VKORC1L1: variants seen among roughly 807,000 people sequenced by gnomAD.
VKORC1L1 encodes the protein vitamin K epoxide reductase complex subunit 1-like protein 1.
VKORC1L1 carries 2 observed loss-of-function variants against 18.9 expected under a neutral mutation model. That is an observed-to-expected ratio of 0.11 (90% CI 0.04 to 0.33). VKORC1L1 has a LOEUF of 0.33. VKORC1L1 is among the 10% of genes least tolerant of loss of function. VKORC1L1 has a pLI of 1.00. For missense variants in VKORC1L1, 123 were observed against 224.1 expected, an observed-to-expected ratio of 0.55 and a Z score of 2.88; for synonymous variants, 96 against 100.0, an observed-to-expected ratio of 0.96 and a Z score of 0.24.
intron 1 of VKORC1L1, among the ~76,000 whole-genome samples, chr7:65,889,941 A>T (rs1196522947): frequency 1.3e-5 from 2 of 150,248 alleles, no homozygotes; most frequent in African/African-American, 4.9e-5. Flanking sequence ...CAATTGATAT[A>T]TTCATTCTCT....
intron 1 of VKORC1L1, among the ~76,000 whole-genome samples, chr7:65,933,432 A>G (rs1789891008): frequency 6.6e-6 from 1 of 152,128 alleles, no homozygotes; most frequent in African/African-American, 2.4e-5. Context: ...TTCTGGTATT[A>G]ATACAAGCAC....
intron 1 of VKORC1L1, among the ~76,000 whole-genome samples, chr7:65,875,818 T>C (rs998800375): frequency 3.3e-5 from 5 of 152,312 alleles, no homozygotes; most frequent in African/African-American, 1.2e-4. Context: ...TGTGACTCTT[T>C]TAGGAAAAGA....
At chr7:65,870,057 CT>C (rs1396205177), upstream of VKORC1L1, among the ~76,000 whole-genome samples, 1 of 151,188 alleles carries the variant, frequency 6.6e-6, no homozygotes, top group African/African-American at 2.4e-5. Flanking sequence ...AAGATATTTG[CT>C]GTGGGCCTAT....
intron 1 of VKORC1L1, among the ~76,000 whole-genome samples, chr7:65,929,682 G>GTATATATATATATATATATATATATA (rs34648135): frequency 2.6e-4 from 33 of 128,594 alleles, no homozygotes; most frequent in South Asian, 8.0e-4. Context: ...GTGTGTGTGT[G>GTATATATATATATATATATATATATA]TATATATATA....
intron 1 of VKORC1L1, among the ~76,000 whole-genome samples, chr7:65,911,155 T>C: frequency 6.6e-6 from 1 of 152,182 alleles, no homozygotes; most frequent in East Asian, 1.9e-4. Flanking sequence ...CACTGTCCTG[T>C]GGTTTACTAT....
At chr7:65,882,963 C>A (rs1434402130) in intron 1 of VKORC1L1, among the ~76,000 whole-genome samples, 5 of 152,120 alleles carry the variant, frequency 3.3e-5, no homozygotes, top group African/African-American at 1.2e-4. Flanking sequence ...AAAACATTAT[C>A]ATTGGCAAAA....
chr7:65,911,190 G>A (rs1006859078), intron 1 of VKORC1L1, among the ~76,000 whole-genome samples: 1 of 152,118 alleles, frequency 6.6e-6, no homozygotes, highest in African/African-American at 2.4e-5. Flanking sequence ...CTTTTCCACT[G>A]AAAAGATGCT....
chr7:65,910,275 T>G (rs1789482096), intron 1 of VKORC1L1, among the ~76,000 whole-genome samples: 1 of 152,164 alleles, frequency 6.6e-6, no homozygotes, highest in Non-Finnish European at 1.5e-5. Flanking sequence ...TAGCACATAA[T>G]AAAGACAATA....
intron 1 of VKORC1L1, among the ~76,000 whole-genome samples, chr7:65,878,823 A>G (rs1788874815): frequency 6.6e-6 from 1 of 152,074 alleles, no homozygotes; most frequent in Non-Finnish European, 1.5e-5. Context: ...CAGGAGAATC[A>G]CTTGAACCCG....
chr7:65,874,712 A>G (rs1458019044), intron 1 of VKORC1L1, among the ~76,000 whole-genome samples: 1 of 152,110 alleles, frequency 6.6e-6, no homozygotes, highest in Non-Finnish European at 1.5e-5. Flanking sequence ...AGGCTGAGGC[A>G]GGAGAATTGC....
chr7:65,876,548 A>G (rs535761924), intron 1 of VKORC1L1, among the ~76,000 whole-genome samples: 10 of 149,378 alleles, frequency 6.7e-5, no homozygotes, highest in African/African-American at 2.5e-4. Flanking sequence ...ACTTTTTCCC[A>G]TTTTCCCATA....
chr7:65,938,801 C>T (rs1244789199), intron 1 of VKORC1L1, among the ~76,000 whole-genome samples: 1 of 152,154 alleles, frequency 6.6e-6, no homozygotes, highest in African/African-American at 2.4e-5. Flanking sequence ...CTTGAAACAG[C>T]GAAGCCTTGA....
the VKORC1L1 span, among the ~76,000 whole-genome samples, chr7:65,867,927 A>C: frequency 6.6e-6 from 1 of 152,162 alleles, no homozygotes; most frequent in African/African-American, 2.4e-5. Context: ...ACTCACTGCA[A>C]CTTCCACCTC....
intron 1 of VKORC1L1, among the ~76,000 whole-genome samples, chr7:65,886,603 T>TCTCGGCTCACTGCAAC (rs1789015443): frequency 6.6e-6 from 1 of 152,048 alleles, no homozygotes; most frequent in Admixed American, 6.6e-5. Flanking sequence ...AGTGGTGCAA[T>TCTCGGCTCACTGCAAC]CTCGGCTCAC....
intron 1 of VKORC1L1, among the ~76,000 whole-genome samples, chr7:65,913,675 C>T (rs1236463487): frequency 1.5e-5 from 2 of 132,498 alleles, no homozygotes; most frequent in African/African-American, 2.9e-5. Flanking sequence ...TGTGGTGAGC[C>T]GAGATCGGGC....
At chr7:65,933,077 CAAA>C (rs59403784) in intron 1 of VKORC1L1, among the ~76,000 whole-genome samples, 15 of 65,350 alleles carry the variant, frequency 2.3e-4, no homozygotes, top group African/African-American at 8.7e-4. Context: ...GACTTCGTCT[CAAA>C]AAAAAAAAAA....
intron 1 of VKORC1L1, among the ~76,000 whole-genome samples, chr7:65,940,678 G>C (rs1480695626): frequency 6.6e-6 from 1 of 152,120 alleles, no homozygotes; most frequent in Non-Finnish European, 1.5e-5. Context: ...TCCTTCACAT[G>C]GTTGATCTTG....
In VKORC1L1 at chr7:65,957,268, G is replaced by A. The variant is rs1448913549; in HGVS notation, c.*2968G>A. 1 of 151,894 alleles carries A rather than the reference G, an allele frequency of 6.6e-6. No homozygotes were observed. The highest frequency in any genetic ancestry group is 1.5e-5 in the Non-Finnish European group (1 of 68,018). 9.4% of individuals were successfully genotyped at this position (151,894 alleles called of 1,614,324 possible). On this transcript the variant is annotated 3_prime_UTR_variant, in exon 3 of 3. Coordinates refer to ENST00000360768, the MANE Select transcript of VKORC1L1 (RefSeq NM_173517.6). ...GGCCGAGGCGGGTGGATTACCTAAGGTCAGGAGTTCAAGACCAGCCTGGCC... is the reference window on the plus strand; with the variant it reads ...GGCCGAGGCGGGTGGATTACCTAAGATCAGGAGTTCAAGACCAGCCTGGCC...
chr7:65,887,942 T>C (rs1789043450), intron 1 of VKORC1L1, among the ~76,000 whole-genome samples: 1 of 152,284 alleles, frequency 6.6e-6, no homozygotes, highest in African/African-American at 2.4e-5. Flanking sequence ...CACTTAGTGA[T>C]AGTGGGTTTA....
Sources: allele counts gnomAD v4.1 joint callset (sites outside exome capture counted in the v4.1 genomes callset), GRCh38; gene constraint gnomAD v4.1.1; transcripts MANE v1.5; gene names NCBI Gene and HGNC (gene_info 2026-07-23, HGNC 2026-07-21).